Variants in LAMA2 observed in about 807,000 individuals in gnomAD.
LAMA2 encodes laminin subunit alpha-2.
In LAMA2, 269 loss-of-function variants were observed where a neutral mutation model predicts 364.8. That is an observed-to-expected ratio of 0.74 (90% CI 0.67 to 0.82). The LOEUF is 0.82. LAMA2 is among the 40% of genes least tolerant of loss of function. The pLI is 0.00. For missense variants in LAMA2, 3,807 were observed against 3,873.2 expected (o/e 0.98, Z 0.45); for synonymous variants, 1,379 against 1,370.6 (o/e 1.01, Z -0.14).
chr6:129,496,022 T>G (rs12208392), intron 58 of LAMA2, among the ~76,000 whole-genome samples: 28,682 of 152,098 alleles, frequency 0.19, 2,947 homozygotes, highest in Non-Finnish European at 0.22. Context: ...ACCCTAAAGA[T>G]TCCAACTCTT....
At chr6:129,389,525 C>G (rs540711927) in intron 35 of LAMA2, among the ~76,000 whole-genome samples, 2 of 152,220 alleles carry the variant, frequency 1.3e-5, no homozygotes, top group African/African-American at 4.8e-5. Flanking sequence ...CCCTTATGAC[C>G]TAATCTCCTC....
intron 41 of LAMA2, 39 bp downstream of exon 41, chr6:129,427,893 C>A: frequency 8.3e-7 from 1 of 1,209,404 alleles, no homozygotes; most frequent in South Asian, 1.2e-5. Flanking sequence ...TCCAGTTAAT[C>A]GGGTTGTTAC....
At position 128,984,638 on chromosome 6, in the gene LAMA2, A is replaced by G. The variant is rs1048639589; in HGVS notation, c.113-65280A>G. Among the ~76,000 whole-genome samples the G allele has an allele frequency of 5.7e-5, 8 of 139,648 alleles. No individual in the cohort carries two copies. The East Asian group carries it at 1.7e-3, about 30-fold the overall frequency. The allele number at this position is 139,648 out of a possible 152,430, so 91.6% of individuals were successfully genotyped here. ...TGGAAGAAACAAGGTTCTTTTGTAGAGATGAGAATTTAAATGATTTTTTTT... is the reference window on the plus strand; with the variant it reads ...TGGAAGAAACAAGGTTCTTTTGTAGGGATGAGAATTTAAATGATTTTTTTT... On this transcript the variant is annotated intron_variant, in intron 1 of 64. Transcript: ENST00000421865.
chr6:128,911,928 C>A (rs1396019147), intron 1 of LAMA2, among the ~76,000 whole-genome samples: 1 of 152,184 alleles, frequency 6.6e-6, no homozygotes, highest in Non-Finnish European at 1.5e-5. Flanking sequence ...TTCTTTCACC[C>A]AGTCTACTGT....
chr6:129,312,178 C>T (rs1774269692), intron 22 of LAMA2, among the ~76,000 whole-genome samples: 1 of 151,014 alleles, frequency 6.6e-6, no homozygotes. Context: ...ACCCAAGCTT[C>T]AGAAAATTCT....
At chr6:129,288,197 C>T in intron 19 of LAMA2, 139 bp downstream of exon 19, 1 of 755,800 alleles carries the variant, frequency 1.3e-6, no homozygotes, top group South Asian at 1.4e-5. Context: ...TATACAGAGT[C>T]TGCATATTCC....
intron 4 of LAMA2, among the ~76,000 whole-genome samples, chr6:129,099,255 G>A (rs1466112349): frequency 6.6e-6 from 1 of 151,476 alleles, no homozygotes; most frequent in Non-Finnish European, 1.5e-5. Flanking sequence ...TTGTCAAGAG[G>A]ATTAAATGCA....
At chr6:129,199,517 T>C (rs1380757068) in intron 12 of LAMA2, among the ~76,000 whole-genome samples, 1 of 152,126 alleles carries the variant, frequency 6.6e-6, no homozygotes, top group Non-Finnish European at 1.5e-5. Flanking sequence ...AAATAAAATA[T>C]ATAGGGATCA....
intron 44 of LAMA2, among the ~76,000 whole-genome samples, chr6:129,443,382 A>C (rs969715758): frequency 2.6e-5 from 4 of 152,214 alleles, no homozygotes; most frequent in Non-Finnish European, 5.9e-5. Flanking sequence ...CAGAAGTTTG[A>C]GATCAGCCTG....
At chr6:129,311,134 T>C (rs1397202973) in intron 22 of LAMA2, among the ~76,000 whole-genome samples, 1 of 151,988 alleles carries the variant, frequency 6.6e-6, no homozygotes. Flanking sequence ...ATTCTTTTTT[T>C]TTTTTTAGAC....
At chr6:128,929,829 G>A in intron 1 of LAMA2, 1 of 1,041,350 alleles carries the variant, frequency 9.6e-7, no homozygotes, top group Non-Finnish European at 1.5e-6. Flanking sequence ...AAGATACGCA[G>A]TCCCTTGTAA....
At chr6:129,033,174 A>C (rs903322416) in intron 1 of LAMA2, among the ~76,000 whole-genome samples, 1 of 152,188 alleles carries the variant, frequency 6.6e-6, no homozygotes, top group East Asian at 1.9e-4. Flanking sequence ...GAAATAAGAA[A>C]ATGATCCAGG....
chr6:129,431,267 TG>T (rs1350287652), intron 41 of LAMA2, among the ~76,000 whole-genome samples: 1 of 151,670 alleles, frequency 6.6e-6, no homozygotes, highest in Non-Finnish European at 1.5e-5. Context: ...GGCATGGTGG[TG>T]GGTGCCTGTA....
rs113355738 is a variant in LAMA2, at chr6:129,144,106, G to T, written c.819+26G>T. 2.0e-5 allele frequency: 31 copies of T among 1,562,804 alleles called. 1 individual carries two copies. In the African/African-American group the frequency reaches 2.3e-4, roughly 12 times the overall value. ...GTAAGTTATGATGAATCATATTAGA[G>T]CCTACAAATGATATCCCACTTATCT... On this transcript the variant is annotated intron_variant, in intron 5 of 64. Transcript: ENST00000421865.
chr6:129,147,507 G>C (rs181782803), intron 6 of LAMA2, among the ~76,000 whole-genome samples: 3 of 152,014 alleles, frequency 2.0e-5, no homozygotes, highest in Admixed American at 2.0e-4. Flanking sequence ...GGGGGTGGAG[G>C]GGGTGGAGTG....
chr6:129,445,579 ATTGT>A (rs779866659), intron 44 of LAMA2, 84 bp from the exon 45 acceptor site: 18 of 1,100,128 alleles, frequency 1.6e-5, no homozygotes, highest in East Asian at 4.8e-5. Flanking sequence ...ATAAGATGAA[ATTGT>A]TTGGTTAAGC....
chr6:129,251,616 C>T (rs1486864251), intron 13 of LAMA2, among the ~76,000 whole-genome samples: 1 of 152,068 alleles, frequency 6.6e-6, no homozygotes, highest in African/African-American at 2.4e-5. Flanking sequence ...CCCTGAATGA[C>T]AGGGAAAGCC....
At position 129,514,572 on chromosome 6, in the gene LAMA2, C is replaced by A. The variant is rs151285465; in HGVS notation, c.9188C>A (p.Pro3063His). ...TCTACATCAGCTGACACAAATGACC[C>A]TGTGTTTGTTGGAGGCTTCCCAGGT... ...PASTSADTNDPVFVGGFPDDL... is the reference protein window; with the variant it reads ...PASTSADTNDHVFVGGFPDDL... The change falls in exon 64 of 65, where the codon CCT (proline) becomes CAT (histidine). Residue 3063 changes from proline (P) to histidine (H), a missense_variant. Coordinates refer to ENST00000421865, the MANE Select transcript of LAMA2 (RefSeq NM_000426.4). 42 of 1,613,998 alleles carry A rather than the reference C, an allele frequency of 2.6e-5. No individual in the cohort carries two copies. In the Admixed American group the frequency reaches 6.0e-4, roughly 23 times the overall value.
intron 5 of LAMA2, 43 bp from the exon 6 acceptor site, chr6:129,146,916 G>T (rs769177453): frequency 2.4e-5 from 28 of 1,163,974 alleles, no homozygotes; most frequent in Non-Finnish European, 3.4e-5. Flanking sequence ...CTTTGACCTT[G>T]CAGTCATCTT....
Sources: gnomAD v4.1 joint callset for allele counts (sites outside exome capture counted in the v4.1 genomes callset) on GRCh38, gnomAD v4.1.1 for gene constraint, MANE v1.5 for transcripts, NCBI Gene and HGNC (gene_info 2026-07-23, HGNC 2026-07-21) for gene names.